Variants in MUC22 observed in about 807,000 individuals in gnomAD.
MUC22 encodes the protein mucin 22, also known as mucin-22.
MUC22 carries 24 observed loss-of-function variants against 40.3 expected under a neutral mutation model. The ratio of observed to expected loss-of-function variants is 0.60; its 90% CI spans 0.43 to 0.84. The LOEUF (loss-of-function observed/expected upper bound fraction) is 0.84, where lower values mean the gene tolerates loss of function less well. Ranked by LOEUF, MUC22 falls within the 40% of genes least tolerant of loss-of-function variation. The pLI is 0.00. For synonymous variants in MUC22, 765 were observed against 844.5 expected (o/e 0.91, Z 1.63); for missense variants, 1,926 against 2,130.7 (o/e 0.90, Z 1.89).
chr6:31,018,526 A>AAAATT (rs3063655), intron 1 of MUC22, among the ~76,000 whole-genome samples: 58,348 of 151,842 alleles, frequency 0.38, 11,381 homozygotes, highest in East Asian at 0.47. Context: ...CAAAAAAACA[A>AAAATT]AAATATCTCC....
At chr6:31,023,856 A>G (rs1765063947) in intron 1 of MUC22, among the ~76,000 whole-genome samples, 1 of 152,136 alleles carries the variant, frequency 6.6e-6, no homozygotes, top group African/African-American at 2.4e-5. Flanking sequence ...GGATAAAGAG[A>G]GACATTTCAT....
chr6:31,017,700 A>C (rs542967662), intron 1 of MUC22, among the ~76,000 whole-genome samples: 1 of 152,150 alleles, frequency 6.6e-6, no homozygotes, highest in Non-Finnish European at 1.5e-5. Context: ...TTGTAAACAC[A>C]CCAATCAGCA....
At chr6:31,029,572 A>C in exon 2 of MUC22, 1 of 1,526,338 alleles carries the variant, frequency 6.6e-7, no homozygotes, top group Non-Finnish European at 8.8e-7. Context: ...AGTTTCTACC[A>C]CTAGCTCTGA....
chr6:31,029,711 C>T (rs1183195102), exon 2 of MUC22: 4 of 1,534,654 alleles, frequency 2.6e-6, no homozygotes, highest in Non-Finnish European at 3.5e-6. Flanking sequence ...GAGGCCACCA[C>T]CACCTCTACT....
Position 31,032,491 on chromosome 6 carries a change from T to G in MUC22, c.4965T>G (p.Ser1655Arg). The G allele has an allele frequency of 6.5e-7, 1 of 1,535,688 alleles. No homozygotes were observed. The highest frequency in any genetic ancestry group is 8.7e-7 in the Non-Finnish European group (1 of 1,146,902). Residue 1655 changes from serine to arginine, a missense_variant, in exon 3 of 4, where the codon AGT becomes AGG. Ser to Arg is a moderately radical substitution (Grantham distance 110). Transcript: ENST00000561890. This position sits in a 1 kb window ranked among gnomAD's most constrained non-coding sequence, Gnocchi z 4.1. ...CACCCACAAACGTGATCAAACCAAGTGGATATTTACAGCCCTGGGCTATCA... is the reference window on the plus strand; with the variant it reads ...CACCCACAAACGTGATCAAACCAAGGGGATATTTACAGCCCTGGGCTATCA...
intron 3 of MUC22, among the ~76,000 whole-genome samples, chr6:31,034,157 C>T (rs910923576): frequency 6.6e-6 from 1 of 152,150 alleles, no homozygotes; most frequent in African/African-American, 2.4e-5. Flanking sequence ...GCTATTTGCC[C>T]CAGCACATGT....
chr6:31,029,249 C>G, exon 2 of MUC22: 1 of 1,535,458 alleles, frequency 6.5e-7, no homozygotes, highest in Non-Finnish European at 8.7e-7. Context: ...ACCACAGGCA[C>G]TGAGACTACC....
chr6:31,023,216 G>C (rs1765021244), intron 1 of MUC22, among the ~76,000 whole-genome samples: 1 of 150,758 alleles, frequency 6.6e-6, no homozygotes, highest in Admixed American at 6.6e-5. Flanking sequence ...GATCAGACGA[G>C]AAAAATAGAA....
rs143307320 is a variant in MUC22, at chr6:31,029,394, G to T, written c.3963G>T (p.Thr1321=). The T allele has an allele frequency of 7.8e-4, 1,157 of 1,480,126 alleles. 9 individuals are homozygous for T. In the African/African-American group the frequency reaches 0.015, roughly 19 times the overall value. 91.7% of individuals were successfully genotyped at this position (1,480,126 alleles called of 1,614,324 possible). ...CTGAGACAACCACAGTCTCTACCACGGGCTCTGAGACCACCACAGCCTCTA... is the reference window on the plus strand; with the variant it reads ...CTGAGACAACCACAGTCTCTACCACTGGCTCTGAGACCACCACAGCCTCTA... Residue 1321 remains threonine, a synonymous_variant, in exon 2 of 4, where the codon ACG becomes ACT. Transcript: ENST00000561890.
rs1172234129 is a variant in MUC22, at chr6:31,026,903, C to T, written c.1472C>T (p.Thr491Ile). 13 of 1,504,890 alleles carry T rather than the reference C, an allele frequency of 8.6e-6. 1 individual carries two copies. In the South Asian group the frequency reaches 1.5e-4, roughly 17 times the overall value. The allele number at this position is 1,504,890 out of a possible 1,614,324, so 93.2% of individuals were successfully genotyped here. Residue 491 changes from threonine (T) to isoleucine (I), a missense_variant, in exon 2 of 4, where the codon ACT becomes ATT. Thr to Ile is a moderately conservative substitution (Grantham distance 89). Coordinates refer to ENST00000561890, the Ensembl canonical transcript of MUC22. ...GGCTCTGAGACCACCAAAGTCTCAA[C>T]TGCAGGCTCTGAGACCACAGTCTCC...
At chr6:31,020,135 A>G (rs1764562761) in intron 1 of MUC22, among the ~76,000 whole-genome samples, 1 of 152,212 alleles carries the variant, frequency 6.6e-6, no homozygotes, top group Non-Finnish European at 1.5e-5. Flanking sequence ...CAAGCAAAAT[A>G]AACTTTAAAA....
At chr6:31,021,849 G>C (rs9262526) in intron 1 of MUC22, among the ~76,000 whole-genome samples, 58,146 of 151,068 alleles carry the variant, frequency 0.38, 11,364 homozygotes, top group East Asian at 0.47. Context: ...TGCTTGGGTC[G>C]TTTTCCACAC....
chr6:31,020,779 C>T (rs1426422318), intron 1 of MUC22, among the ~76,000 whole-genome samples: 3 of 150,460 alleles, frequency 2.0e-5, no homozygotes, highest in Non-Finnish European at 3.0e-5. Context: ...AGCTGCAGTT[C>T]CAGGTAGGCG....
rs932293774 is a variant in MUC22 at position 31,026,634 on chromosome 6, C to A, written c.1203C>A (p.Thr401=). The stretch of plus-strand genomic sequence containing the variant: ...GCTCTGAGACCACCACAGTCTCCAC[C>A]GTGGGCTCTGAGACCACCACAGCCT... Residue 401 remains threonine, a synonymous_variant, in exon 2 of 4, where the codon ACC becomes ACA. Transcript: ENST00000561890. 58 of 1,502,744 alleles carry A rather than the reference C, an allele frequency of 3.9e-5. 5 individuals carry two copies. The highest frequency in any genetic ancestry group is 4.3e-5 in the Non-Finnish European group (49 of 1,126,814). 93.1% of individuals were successfully genotyped at this position (1,502,744 alleles called of 1,614,324 possible).
At chr6:31,018,919 A>C (rs117716054) in intron 1 of MUC22, among the ~76,000 whole-genome samples, 1,831 of 151,236 alleles carry the variant, frequency 0.012, 27 homozygotes, top group Middle Eastern at 0.02. Context: ...TGAGTGATGC[A>C]GTGGCCAGAG....
At chr6:31,007,084 CT>C (rs1208848686), upstream of MUC22, among the ~76,000 whole-genome samples, 1 of 146,194 alleles carries the variant, frequency 6.8e-6, no homozygotes, top group Non-Finnish European at 1.5e-5. This position sits in a 1 kb window ranked among gnomAD's most constrained non-coding sequence, Gnocchi z 4.0. Flanking sequence ...GTAGTAAAAA[CT>C]TTTATTATTT....
upstream of MUC22, among the ~76,000 whole-genome samples, chr6:31,008,578 T>C (rs1763662513): frequency 1.3e-5 from 2 of 149,624 alleles, no homozygotes; most frequent in Admixed American, 1.3e-4. Context: ...AGACGGAGTC[T>C]CACTCTGTCA....
intron 1 of MUC22, among the ~76,000 whole-genome samples, chr6:31,020,571 AG>A (rs1764608903): frequency 6.6e-6 from 1 of 151,470 alleles, no homozygotes; most frequent in African/African-American, 2.4e-5. Context: ...CAGTCCTCAG[AG>A]CCCTCGCTTG....
chr6:31,021,519 A>G (rs1252455640), intron 1 of MUC22, among the ~76,000 whole-genome samples: 5 of 149,230 alleles, frequency 3.4e-5, no homozygotes, highest in East Asian at 4.0e-4. Flanking sequence ...TTGTAAATAC[A>G]CCAATCGGCA....
Sources: allele counts gnomAD v4.1 joint callset (sites outside exome capture counted in the v4.1 genomes callset), GRCh38; gene constraint gnomAD v4.1.1; non-coding constraint Gnocchi (gnomAD v3.1); transcripts MANE v1.5; gene names NCBI Gene and HGNC (gene_info 2026-07-23, HGNC 2026-07-21).